DACH1: variants seen among roughly 807,000 people sequenced by gnomAD.
DACH1 encodes dachshund homolog 1.
In DACH1, 12 loss-of-function variants were observed where a neutral mutation model predicts 54.2. The observed-to-expected ratio is 0.22, with a 90% CI of 0.14 to 0.36. The LOEUF (loss-of-function observed/expected upper bound fraction) is 0.36, where lower values mean the gene tolerates loss of function less well. DACH1 is among the 10% of genes least tolerant of loss of function. The pLI is 1.00. For synonymous variants in DACH1, 386 were observed against 366.2 expected, an observed-to-expected ratio of 1.05 and a Z score of -0.62; for missense variants, 805 against 929.8, an observed-to-expected ratio of 0.87 and a Z score of 1.75.
chr13:71,758,344 G>C (rs544687336), intron 1 of DACH1, among the ~76,000 whole-genome samples: 7 of 152,314 alleles, frequency 4.6e-5, no homozygotes, highest in Non-Finnish European at 1.0e-4. Context: ...TATAAAAAGA[G>C]ATCCCTGGAA....
At chr13:71,697,397 A>G (rs560734272) in intron 1 of DACH1, among the ~76,000 whole-genome samples, 3 of 152,308 alleles carry the variant, frequency 2.0e-5, no homozygotes, top group Admixed American at 6.5e-5. Context: ...CAACTTGATA[A>G]TGATGATAAA....
chr13:71,735,844 AAC>A, intron 1 of DACH1, among the ~76,000 whole-genome samples: 1 of 152,168 alleles, frequency 6.6e-6, no homozygotes, highest in African/African-American at 2.4e-5. Context: ...CTATTTTTAT[AAC>A]ACAACAGAGT....
intron 3 of DACH1, among the ~76,000 whole-genome samples, chr13:71,573,881 A>G (rs1403064089): frequency 6.6e-6 from 1 of 152,172 alleles, no homozygotes; most frequent in Non-Finnish European, 1.5e-5. Flanking sequence ...CAGATAATTA[A>G]TTACTCCTTG....
chr13:71,533,106 AC>A (rs1486978946), intron 6 of DACH1, among the ~76,000 whole-genome samples: 1 of 151,818 alleles, frequency 6.6e-6, no homozygotes, highest in Non-Finnish European at 1.5e-5. Context: ...TAAAAAAAAA[AC>A]AAATCAGGAG....
chr13:71,548,415 T>A (rs1393858868), intron 6 of DACH1, among the ~76,000 whole-genome samples: 1 of 152,154 alleles, frequency 6.6e-6, no homozygotes, highest in Non-Finnish European at 1.5e-5. Flanking sequence ...TTCTTTCATA[T>A]TAAAAAATAA....
intron 4 of DACH1, among the ~76,000 whole-genome samples, chr13:71,562,346 A>C (rs984000885): frequency 6.6e-6 from 1 of 152,170 alleles, no homozygotes; most frequent in Non-Finnish European, 1.5e-5. Flanking sequence ...AAATACTGCA[A>C]ATATGCAAAT....
chr13:71,586,800 C>T (rs1374507944), intron 3 of DACH1, among the ~76,000 whole-genome samples: 1 of 152,070 alleles, frequency 6.6e-6, no homozygotes, highest in Non-Finnish European at 1.5e-5. Flanking sequence ...TCTTCCTCAT[C>T]AAAGCCATCA....
chr13:71,745,535 C>T (rs2137959445), intron 1 of DACH1, among the ~76,000 whole-genome samples: 1 of 152,294 alleles, frequency 6.6e-6, no homozygotes, highest in South Asian at 2.1e-4. Flanking sequence ...AACATAGCTT[C>T]ACAGATTTCA....
intron 2 of DACH1, among the ~76,000 whole-genome samples, chr13:71,635,906 G>A (rs201049706): frequency 6.6e-6 from 1 of 151,864 alleles, no homozygotes; most frequent in East Asian, 1.9e-4. Context: ...TCAGCCTCCC[G>A]AGTAGCTGGG....
intron 6 of DACH1, among the ~76,000 whole-genome samples, chr13:71,528,707 C>G (rs1882193332): frequency 6.6e-6 from 1 of 151,974 alleles, no homozygotes; most frequent in Admixed American, 6.6e-5. Flanking sequence ...ACATCAGTTT[C>G]CCTTCATGAT....
intron 1 of DACH1, among the ~76,000 whole-genome samples, chr13:71,744,664 G>A (rs934153125): frequency 1.3e-5 from 2 of 152,114 alleles, no homozygotes; most frequent in African/African-American, 4.8e-5. Flanking sequence ...CAACTATCCT[G>A]GAAGAATATT....
chr13:71,747,924 G>A (rs983755699), intron 1 of DACH1, among the ~76,000 whole-genome samples: 2 of 152,152 alleles, frequency 1.3e-5, no homozygotes, highest in African/African-American at 2.4e-5. Flanking sequence ...TGAGGTGCAG[G>A]AAGGTCTTGC....
chr13:71,539,862 C>T (rs955353179), intron 6 of DACH1, among the ~76,000 whole-genome samples: 2 of 151,696 alleles, frequency 1.3e-5, no homozygotes, highest in Admixed American at 6.6e-5. Flanking sequence ...ACAAAGAATG[C>T]GGTCATGAAA....
At chr13:71,447,948 T>A (rs1008171315) in intron 10 of DACH1, among the ~76,000 whole-genome samples, 5 of 152,198 alleles carry the variant, frequency 3.3e-5, no homozygotes, top group Admixed American at 1.3e-4. Context: ...TCCTTAACAA[T>A]GGAGTATGCT....
chr13:71,647,009 GTA>G (rs1878325521), intron 2 of DACH1, among the ~76,000 whole-genome samples: 1 of 152,216 alleles, frequency 6.6e-6, no homozygotes, highest in Non-Finnish European at 1.5e-5. Flanking sequence ...GTAGCATTAT[GTA>G]TACCTGAGGC....
At chr13:71,735,264 T>C (rs111068182) in intron 1 of DACH1, among the ~76,000 whole-genome samples, 6,590 of 43,176 alleles carry the variant, frequency 0.15, 1,407 homozygotes, top group East Asian at 0.36. Context: ...TACGTGTATA[T>C]GGGATACACG....
Position 71,674,972 on chromosome 13 carries a change from C to T in DACH1, c.964+6823G>A, listed in dbSNP as rs188293829. ...TACAAACGGTGTTCGCAGCCGCCAC[C>T]GCGCTGCCGTCGCTCTCCAACGCCA... is the stretch of plus-strand genomic sequence containing the variant. On this transcript the variant is annotated intron_variant, in intron 2 of 10. Coordinates refer to ENST00000613252, the MANE Select transcript of DACH1 (RefSeq NM_080759.6). 442 of 707,566 alleles carry T rather than the reference C, an allele frequency of 6.2e-4. No individual in the cohort carries two copies. The African/African-American group carries it at 7.0e-3, about 11-fold the overall frequency. The allele number at this position is 707,566 out of a possible 1,614,324, so 43.8% of individuals were successfully genotyped here.
intron 1 of DACH1, among the ~76,000 whole-genome samples, chr13:71,776,759 A>T (rs1886083073): frequency 6.6e-6 from 1 of 152,128 alleles, no homozygotes; most frequent in African/African-American, 2.4e-5. Flanking sequence ...CCAGATAGAA[A>T]AACTAGCATC....
At chr13:71,830,785 T>G (rs1888555168) in intron 1 of DACH1, among the ~76,000 whole-genome samples, 1 of 151,842 alleles carries the variant, frequency 6.6e-6, no homozygotes, top group Non-Finnish European at 1.5e-5. Context: ...GAGCTGCCAA[T>G]CCCATCTTAT....
Sources: gnomAD v4.1 joint callset for allele counts (sites outside exome capture counted in the v4.1 genomes callset) on GRCh38, gnomAD v4.1.1 for gene constraint, MANE v1.5 for transcripts, NCBI Gene and HGNC (gene_info 2026-07-23, HGNC 2026-07-21) for gene names.